Variants in CLEC16A observed in about 807,000 individuals in gnomAD.
CLEC16A encodes the protein C-type lectin domain containing 16A.
CLEC16A carries 51 observed loss-of-function variants against 109.5 expected under a neutral mutation model. The observed-to-expected ratio is 0.47, with a 90% CI of 0.37 to 0.59. The LOEUF (loss-of-function observed/expected upper bound fraction) is 0.59, where lower values mean the gene tolerates loss of function less well. CLEC16A is among the 20% of genes least tolerant of loss of function. The pLI is 0.00. For missense variants in CLEC16A, 1,339 were observed against 1,394.0 expected, an observed-to-expected ratio of 0.96 and a Z score of 0.63; for synonymous variants, 673 against 564.2, an observed-to-expected ratio of 1.19 and a Z score of -2.73.
intron 19 of CLEC16A, among the ~76,000 whole-genome samples, chr16:11,108,252 G>C (rs76161431): frequency 1.8e-4 from 28 of 152,252 alleles, no homozygotes; most frequent in Non-Finnish European, 2.5e-4. Flanking sequence ...TCTCCTGCAT[G>C]CCAGGAAGAG....
At chr16:11,168,499 C>G (rs2068368076) in intron 23 of CLEC16A, among the ~76,000 whole-genome samples, 1 of 152,258 alleles carries the variant, frequency 6.6e-6, no homozygotes, top group Admixed American at 6.5e-5. Context: ...GAGGCCCAGC[C>G]TGCCTGTCTG....
At chr16:11,027,064 A>C in intron 13 of CLEC16A, 1 of 1,554,576 alleles carries the variant, frequency 6.4e-7, no homozygotes, top group East Asian at 2.2e-5. Context: ...TTGGTTCCAG[A>C]AAATCTCCTG....
intron 10 of CLEC16A, among the ~76,000 whole-genome samples, chr16:10,993,435 G>A (rs2044151625): frequency 6.6e-6 from 1 of 152,124 alleles, no homozygotes; most frequent in South Asian, 2.1e-4. Context: ...CTCATTTCAC[G>A]CTCATAATGA....
intron 22 of CLEC16A, among the ~76,000 whole-genome samples, chr16:11,160,765 A>G (rs2054695513): frequency 6.6e-6 from 1 of 152,234 alleles, no homozygotes; most frequent in Middle Eastern, 3.2e-3. Context: ...CAAGAGATAC[A>G]CAAAGACGTC....
At chr16:11,128,115 G>A (rs1387001098) in intron 22 of CLEC16A, among the ~76,000 whole-genome samples, 6 of 152,174 alleles carry the variant, frequency 3.9e-5, no homozygotes, top group Admixed American at 1.3e-4. Context: ...TCATTGAGGC[G>A]TCTTTCAGTT....
chr16:10,944,833 T>C lies in CLEC16A; in HGVS notation c.80+36T>C, dbSNP rs531564086. 39 of 1,547,780 alleles carry C rather than the reference T, an allele frequency of 2.5e-5. No individual in the cohort carries two copies. In the African/African-American group the frequency reaches 4.8e-4, roughly 19 times the overall value. ...GGGGCGTAGCGGGAGGCCTCGGGGC[T>C]GGACAGGGGGACGGGGCGCCGAGCT... is the stretch of plus-strand genomic sequence containing the variant. On this transcript the variant is annotated intron_variant, in intron 1 of 23. Transcript: ENST00000409790.
intron 11 of CLEC16A, among the ~76,000 whole-genome samples, chr16:11,016,293 G>T (rs2045742824): frequency 1.3e-5 from 2 of 151,802 alleles, no homozygotes; most frequent in Non-Finnish European, 2.9e-5. Flanking sequence ...AAGGGAAAGA[G>T]AATTATGTTT....
chr16:11,013,760 AAAAT>A (rs1418993648), intron 11 of CLEC16A, among the ~76,000 whole-genome samples: 3 of 151,984 alleles, frequency 2.0e-5, no homozygotes, highest in African/African-American at 4.8e-5. Flanking sequence ...CTCTGTCTCA[AAAAT>A]AAATAAATAA....
intron 11 of CLEC16A, among the ~76,000 whole-genome samples, chr16:11,019,935 A>G (rs2045995609): frequency 6.6e-6 from 1 of 152,232 alleles, no homozygotes; most frequent in African/African-American, 2.4e-5. Context: ...GAAATAGAAT[A>G]AATGATTGCA....
chr16:11,146,880 A>G (rs2054082037), intron 22 of CLEC16A, among the ~76,000 whole-genome samples: 1 of 152,176 alleles, frequency 6.6e-6, no homozygotes, highest in Non-Finnish European at 1.5e-5. Context: ...AAAACACATC[A>G]GCCCCTTTGG....
chr16:11,022,195 G>A (rs994740660), intron 12 of CLEC16A, among the ~76,000 whole-genome samples: 9 of 152,122 alleles, frequency 5.9e-5, no homozygotes, highest in African/African-American at 1.2e-4. Context: ...ACTGAATGCC[G>A]GGTTAGAGAC....
At chr16:11,003,581 A>G (rs1385067754) in intron 11 of CLEC16A, among the ~76,000 whole-genome samples, 1 of 152,232 alleles carries the variant, frequency 6.6e-6, no homozygotes, top group Non-Finnish European at 1.5e-5. Context: ...AGGGTAACAA[A>G]TAGTACCTAC....
At chr16:10,971,373 T>G (rs1364114922) in intron 5 of CLEC16A, 143 bp downstream of exon 5, 1 of 827,046 alleles carries the variant, frequency 1.2e-6, no homozygotes, top group African/African-American at 1.8e-5. Flanking sequence ...CATGAAAAAC[T>G]TGGAATCCCC....
intron 22 of CLEC16A, among the ~76,000 whole-genome samples, chr16:11,152,362 G>T (rs1412609407): frequency 1.3e-5 from 2 of 152,168 alleles, no homozygotes; most frequent in Non-Finnish European, 2.9e-5. Context: ...TCTGACAGAT[G>T]GTCCTCCTGC....
At chr16:11,019,863 C>T (rs1245749109) in intron 11 of CLEC16A, among the ~76,000 whole-genome samples, 2 of 152,062 alleles carry the variant, frequency 1.3e-5, no homozygotes, top group Non-Finnish European at 1.5e-5. Flanking sequence ...TCTCAGCTGC[C>T]TGAAATCCTT....
chr16:11,160,760 G>A (rs1597602344), intron 22 of CLEC16A, among the ~76,000 whole-genome samples: 1 of 152,216 alleles, frequency 6.6e-6, no homozygotes, highest in Non-Finnish European at 1.5e-5. Flanking sequence ...GTAGTCAAGA[G>A]ATACACAAAG....
Position 11,166,541 on chromosome 16 carries a change from A to G in CLEC16A, c.2795A>G (p.Gln932Arg), listed in dbSNP as rs767011156. The change falls in exon 23 of 24, where the codon CAG (glutamine) becomes CGG (arginine). Residue 932 changes from glutamine to arginine, a missense_variant. Gln to Arg is a conservative substitution (Grantham distance 43). Transcript: ENST00000409790. Reference sequence around the variant, plus strand: ...TCGTCCTCCACCCCCTCCACAGCCCAGAGTCCAGCAGGTATTGGCCACGTG... The same window carrying G: ...TCGTCCTCCACCCCCTCCACAGCCCGGAGTCCAGCAGGTATTGGCCACGTG... Reference protein sequence around the residue: ...TSSSSTPSTAQSPADAPMSPE... With the variant: ...TSSSSTPSTARSPADAPMSPE... The G allele has an allele frequency of 1.3e-6, 2 of 1,597,750 alleles. No individual in the cohort carries two copies. Among genetic ancestry groups the G allele is most frequent in the East Asian group, 2.3e-5 (1 of 44,400 alleles).
In CLEC16A at chr16:11,120,409, G is replaced by T. The variant is rs577648823; in HGVS notation, c.2117-206G>T. On this transcript the variant is annotated intron_variant, in intron 19 of 23. Coordinates refer to ENST00000409790, the MANE Select transcript of CLEC16A (RefSeq NM_015226.3). Reference sequence around the variant, plus strand: ...GAGTGTGCATTCTCTTTATTATCCAGATGAGGGATCTGAGGTCCAGAGAGG... The same window carrying T: ...GAGTGTGCATTCTCTTTATTATCCATATGAGGGATCTGAGGTCCAGAGAGG... 2.6e-5 allele frequency among the ~76,000 whole-genome samples: 4 copies of T among 152,304 alleles called. No homozygotes were observed. In the East Asian group the frequency reaches 7.7e-4, roughly 29 times the overall value.
At chr16:10,970,464 T>C (rs12921922) in intron 4 of CLEC16A, among the ~76,000 whole-genome samples, 23,856 of 152,266 alleles carry the variant, frequency 0.16, 2,338 homozygotes, top group South Asian at 0.23. Context: ...CCCCATGTTA[T>C]AGATGTAGAA....
Sources: allele counts gnomAD v4.1 joint callset (sites outside exome capture counted in the v4.1 genomes callset), GRCh38; gene constraint gnomAD v4.1.1; transcripts MANE v1.5; gene names NCBI Gene and HGNC (gene_info 2026-07-23, HGNC 2026-07-21).